SYNE1: variants seen among roughly 807,000 people sequenced by gnomAD.
The protein encoded by SYNE1 is nesprin-1.
Under a neutral mutation model 1,111.0 loss-of-function variants are expected in SYNE1, and 616 were observed. The observed-to-expected ratio is 0.55, with a 90% CI of 0.52 to 0.59. SYNE1 has a LOEUF of 0.59. Ranked by LOEUF, SYNE1 falls within the 20% of genes least tolerant of loss-of-function variation. The pLI is 0.00. For missense variants in SYNE1, 10,006 were observed against 10,417.0 expected (o/e 0.96, Z 1.72); for synonymous variants, 3,855 against 3,825.8 (o/e 1.01, Z -0.28).
At position 152,397,838 on chromosome 6, in the gene SYNE1, T is replaced by C. The variant is rs553209989; in HGVS notation, c.7350+781A>G. On this transcript the variant is annotated intron_variant, in intron 49 of 145. Coordinates refer to ENST00000367255, the MANE Select transcript of SYNE1 (RefSeq NM_182961.4). The stretch of plus-strand genomic sequence containing the variant: ...CTACATGGTGAAACCTCGTCTCTAC[T>C]AAAAATACAAAAATTAGCTGGGCAT... 2.0e-5 allele frequency among the ~76,000 whole-genome samples: 3 copies of C among 151,922 alleles called. No individual in the cohort carries two copies. In the East Asian group the frequency reaches 5.8e-4, roughly 29 times the overall value.
chr6:152,274,691 G>A (rs1056822050), intron 98 of SYNE1, among the ~76,000 whole-genome samples: 4 of 152,002 alleles, frequency 2.6e-5, no homozygotes, highest in African/African-American at 7.3e-5. Context: ...CTGCCTCCTC[G>A]GTTCAAGTGA....
chr6:152,417,272 G>A (rs1033637919), intron 40 of SYNE1, among the ~76,000 whole-genome samples: 19 of 152,246 alleles, frequency 1.2e-4, no homozygotes, highest in African/African-American at 4.1e-4. Flanking sequence ...GCCAAGGCGG[G>A]CAGATCACGA....
chr6:152,302,302 G>A (rs2095219128), intron 91 of SYNE1: 2 of 596,240 alleles, frequency 3.4e-6, no homozygotes, highest in Non-Finnish European at 6.0e-6. Context: ...CGGTACAAAA[G>A]GAGAAATGAG....
At chr6:152,213,589 C>A (rs2077969476) in intron 123 of SYNE1, 23 bp downstream of exon 123, 1 of 1,613,924 alleles carries the variant, frequency 6.2e-7, no homozygotes. Flanking sequence ...CTTATTACCC[C>A]CAAATCTACT....
intron 56 of SYNE1, among the ~76,000 whole-genome samples, chr6:152,379,281 C>A (rs1332082845): frequency 6.6e-6 from 1 of 152,064 alleles, no homozygotes; most frequent in Non-Finnish European, 1.5e-5. Flanking sequence ...CATCTTTCCA[C>A]CTTATACAGC....
At chr6:152,524,969 G>C (rs1265114220) in intron 5 of SYNE1, among the ~76,000 whole-genome samples, 1 of 152,112 alleles carries the variant, frequency 6.6e-6, no homozygotes, top group Non-Finnish European at 1.5e-5. Context: ...TGTGCAACTT[G>C]TGCCTTTAAG....
rs112785724 is a variant in SYNE1, at chr6:152,244,482, A to G, written c.19692+55T>C. ...CAAGAAAAATAAAGTGATTTTTTCTAGACTTCAAGTTTGATGTACCCCTGC... is the reference window on the plus strand; with the variant it reads ...CAAGAAAAATAAAGTGATTTTTTCTGGACTTCAAGTTTGATGTACCCCTGC... On this transcript the variant is annotated intron_variant, in intron 106 of 145. Transcript: ENST00000367255. The G allele has an allele frequency of 6.6e-5, 106 of 1,613,012 alleles. No homozygotes were observed. In the African/African-American group the frequency reaches 1.1e-3, roughly 17 times the overall value.
In SYNE1 at chr6:152,396,791, C is replaced by T. The variant is rs768973633; in HGVS notation, c.7540G>A (p.Ala2514Thr). 26 of 1,613,988 alleles carry T rather than the reference C, an allele frequency of 1.6e-5. No homozygotes were observed. The highest frequency in any genetic ancestry group is 2.2e-5 in the Non-Finnish European group (26 of 1,179,998). The part of the protein sequence containing the change: ...LKDKQALQDC[A>T]SELGSFEDQH... ...CTAACCTACCTTCCAAGTTCTGAAG[C>T]ACAGTCTTGAAGAGCCTGCTTATCT... Residue 2514 changes from alanine to threonine, a missense_variant, in exon 50 of 146, where the codon GCT becomes ACT. Ala to Thr is a moderately conservative substitution (Grantham distance 58). Transcript: ENST00000367255.
At chr6:152,610,542 G>A (rs1221699763) in intron 3 of SYNE1, among the ~76,000 whole-genome samples, 1 of 152,222 alleles carries the variant, frequency 6.6e-6, no homozygotes, top group Non-Finnish European at 1.5e-5. Context: ...AAGTGATGGG[G>A]AGAATGGAAC....
chr6:152,592,253 A>C (rs573931933), intron 3 of SYNE1, among the ~76,000 whole-genome samples: 16 of 152,270 alleles, frequency 1.1e-4, no homozygotes, highest in African/African-American at 3.4e-4. Context: ...TACCAAAAAG[A>C]CACATGCACT....
intron 120 of SYNE1, among the ~76,000 whole-genome samples, chr6:152,218,667 G>A (rs140718516): frequency 2.6e-5 from 4 of 152,078 alleles, no homozygotes; most frequent in East Asian, 3.9e-4. Context: ...CAAACAACAC[G>A]TCTGAAAAAT....
chr6:152,445,483 C>T (rs1178540314), intron 29 of SYNE1, among the ~76,000 whole-genome samples: 1 of 151,978 alleles, frequency 6.6e-6, no homozygotes, highest in African/African-American at 2.4e-5. Context: ...TAAGATCCTC[C>T]TTTTTACATG....
chr6:152,186,806 G>C (rs1198440825), intron 128 of SYNE1, among the ~76,000 whole-genome samples: 1 of 151,456 alleles, frequency 6.6e-6, no homozygotes, highest in Non-Finnish European at 1.5e-5. Context: ...AAAATATTAA[G>C]AGAGCAGGTA....
chr6:152,312,231 C>T lies in SYNE1; in HGVS notation c.16711-1358G>A, dbSNP rs1277371469. Among the ~76,000 whole-genome samples the T allele has an allele frequency of 7.1e-5, 9 of 127,242 alleles. No individual in the cohort carries two copies. In the South Asian group the frequency reaches 7.2e-4, roughly 10 times the overall value. 83.5% of individuals were successfully genotyped at this position (127,242 alleles called of 152,430 possible). A position where few individuals can be genotyped will look rare whatever the true frequency, so the allele number is the denominator to read the frequency against. On this transcript the variant is annotated intron_variant, in intron 87 of 145. Coordinates refer to ENST00000367255, the MANE Select transcript of SYNE1 (RefSeq NM_182961.4). ...TATCTTTTTTTTTTTTTTTCTGAGA[C>T]GGAGTTTTGCTCCTGTTGCCCAGGC...
intron 14 of SYNE1, among the ~76,000 whole-genome samples, chr6:152,473,450 T>C (rs1387302227): frequency 6.6e-6 from 1 of 152,230 alleles, no homozygotes; most frequent in Non-Finnish European, 1.5e-5. Flanking sequence ...TTCAGGTTTG[T>C]ATATGCTTGC....
intron 3 of SYNE1, among the ~76,000 whole-genome samples, chr6:152,610,610 G>A (rs141372683): frequency 2.0e-4 from 30 of 152,070 alleles, no homozygotes; most frequent in Non-Finnish European, 3.4e-4. Flanking sequence ...ACCTAGCAAG[G>A]CAGGCCAACA....
chr6:152,164,089 GCCC>G, intron 131 of SYNE1, 71 bp downstream of exon 131: 1 of 1,593,234 alleles, frequency 6.3e-7, no homozygotes, highest in Non-Finnish European at 8.6e-7. Context: ...ACCATCTCAT[GCCC>G]ACCCCATCAT....
chr6:152,449,024 CTG>C (rs1430392795), intron 28 of SYNE1, among the ~76,000 whole-genome samples: 1 of 152,146 alleles, frequency 6.6e-6, no homozygotes, highest in Non-Finnish European at 1.5e-5. Context: ...AGAATGCAAA[CTG>C]TGTTTGAGCC....
intron 93 of SYNE1, 91 bp from the exon 94 acceptor site, chr6:152,294,218 T>A (rs533787920): frequency 1.8e-6 from 2 of 1,125,346 alleles, no homozygotes; most frequent in Non-Finnish European, 2.3e-6. Context: ...CAAGGAAAGG[T>A]TTCAGATCTA....
Sources: gnomAD v4.1 joint callset for allele counts (sites outside exome capture counted in the v4.1 genomes callset) on GRCh38, gnomAD v4.1.1 for gene constraint, MANE v1.5 for transcripts, NCBI Gene and HGNC (gene_info 2026-07-23, HGNC 2026-07-21) for gene names.